Variants in IGF2BP3 observed in about 807,000 individuals in gnomAD.
The protein encoded by IGF2BP3 is insulin like growth factor 2 mRNA binding protein 3.
Under a neutral mutation model 73.8 loss-of-function variants are expected in IGF2BP3, and 9 were observed. The ratio of observed to expected loss-of-function variants is 0.12; its 90% CI spans 0.07 to 0.21. The LOEUF is 0.21. Among genes scored for constraint, IGF2BP3 ranks in the 10% least tolerant of loss-of-function variants. The pLI, the probability that IGF2BP3 is intolerant of heterozygous loss-of-function variation, is 1.00. For missense variants in IGF2BP3, 542 were observed against 714.0 expected, an observed-to-expected ratio of 0.76 and a Z score of 2.75; for synonymous variants, 258 against 256.7, an observed-to-expected ratio of 1.01 and a Z score of -0.05.
At chr7:23,411,175 T>G (rs1342447881) in intron 3 of IGF2BP3, among the ~76,000 whole-genome samples, 1 of 152,230 alleles carries the variant, frequency 6.6e-6, no homozygotes, top group African/African-American at 2.4e-5. Flanking sequence ...TGACTCCCAT[T>G]ACTACTTCTC....
At chr7:23,315,691 A>G (rs929545398) in intron 12 of IGF2BP3, among the ~76,000 whole-genome samples, 1 of 152,200 alleles carries the variant, frequency 6.6e-6, no homozygotes, top group South Asian at 2.1e-4. Context: ...AATGACGTAG[A>G]TATTACTATT....
intron 10 of IGF2BP3, among the ~76,000 whole-genome samples, chr7:23,330,258 C>G (rs1418218590): frequency 6.6e-6 from 1 of 151,564 alleles, no homozygotes; most frequent in Non-Finnish European, 1.5e-5. Context: ...TGCACTCCAG[C>G]CCGGGTGACA....
intron 2 of IGF2BP3, among the ~76,000 whole-genome samples, chr7:23,435,429 C>T (rs1456358297): frequency 6.6e-6 from 1 of 150,848 alleles, no homozygotes; most frequent in Non-Finnish European, 1.5e-5. Flanking sequence ...CTGGGAAACT[C>T]TCCAGCACAA....
chr7:23,443,183 T>C (rs1787977760), intron 2 of IGF2BP3, among the ~76,000 whole-genome samples: 1 of 138,388 alleles, frequency 7.2e-6, no homozygotes, highest in South Asian at 2.4e-4. Flanking sequence ...CCCAGTGCAG[T>C]GGTGCGATCT....
chr7:23,440,752 G>A lies in IGF2BP3; in HGVS notation c.237-21928C>T, dbSNP rs148972383. The stretch of plus-strand genomic sequence containing the variant: ...CATATCAGGTCATTTTTATTTTTAC[G>A]CAGGCTCTACTAGGGCTATAGAAGG... On this transcript the variant is annotated intron_variant, in intron 2 of 14. Transcript: ENST00000258729. Among the ~76,000 whole-genome samples the A allele has an allele frequency of 7.7e-3, 1,174 of 152,178 alleles. 13 individuals are homozygous for A. The highest frequency in any genetic ancestry group is 0.027 in the African/African-American group (1,116 of 41,546).
At chr7:23,435,745 T>A (rs13247744) in intron 2 of IGF2BP3, among the ~76,000 whole-genome samples, 13 of 147,282 alleles carry the variant, frequency 8.8e-5, no homozygotes, top group African/African-American at 3.2e-4. Context: ...CGTGAGCCAC[T>A]GTGCCTGGCC....
intron 3 of IGF2BP3, chr7:23,402,570 C>T (rs1003200964): frequency 1.3e-5 from 2 of 152,112 alleles, no homozygotes; most frequent in Admixed American, 1.3e-4. Context: ...TAGGAACATA[C>T]CGTCATTTTG....
intron 10 of IGF2BP3, among the ~76,000 whole-genome samples, chr7:23,322,380 A>G (rs1391284052): frequency 6.6e-6 from 1 of 152,184 alleles, no homozygotes; most frequent in East Asian, 1.9e-4. Context: ...AAAAAAGAAT[A>G]AAAAGAAACG....
At chr7:23,439,014 A>G (rs1787867943) in intron 2 of IGF2BP3, among the ~76,000 whole-genome samples, 1 of 151,594 alleles carries the variant, frequency 6.6e-6, no homozygotes, top group East Asian at 2.0e-4. Context: ...GGGAGGCTGA[A>G]GTAGAATCAC....
chr7:23,464,648 C>T (rs1056571158), intron 2 of IGF2BP3, among the ~76,000 whole-genome samples: 2 of 151,114 alleles, frequency 1.3e-5, no homozygotes, highest in Admixed American at 1.3e-4. Flanking sequence ...CGTGCCACTG[C>T]ACTCCAGCCT....
chr7:23,425,819 C>T (rs377267813), intron 2 of IGF2BP3, among the ~76,000 whole-genome samples: 3 of 152,000 alleles, frequency 2.0e-5, no homozygotes, highest in Admixed American at 6.6e-5. Flanking sequence ...ACTTTTTTAG[C>T]CTGGCATAGT....
At chr7:23,376,646 C>T (rs563796331) in intron 3 of IGF2BP3, among the ~76,000 whole-genome samples, 3 of 152,070 alleles carry the variant, frequency 2.0e-5, no homozygotes, top group East Asian at 1.9e-4. Flanking sequence ...GCAGGCGGAT[C>T]GCTTGAGTCC....
intron 7 of IGF2BP3, among the ~76,000 whole-genome samples, chr7:23,347,033 C>A (rs1023107919): frequency 7.2e-5 from 11 of 152,322 alleles, no homozygotes; most frequent in Admixed American, 1.3e-4. Context: ...GGTCCCCACA[C>A]TAACTCCAGT....
intron 14 of IGF2BP3, 66 bp from the exon 15 acceptor site, chr7:23,312,526 C>G: frequency 1.8e-6 from 2 of 1,133,848 alleles, no homozygotes; most frequent in Non-Finnish European, 2.7e-6. Context: ...TGTACTCCTT[C>G]ATTTCAACAA....
intron 2 of IGF2BP3, among the ~76,000 whole-genome samples, chr7:23,436,535 C>A (rs766205127): frequency 6.6e-6 from 1 of 152,084 alleles, no homozygotes; most frequent in Admixed American, 6.6e-5. Context: ...AAGTCACCAT[C>A]GACACAAATG....
At chr7:23,423,684 C>T (rs1191404773) in intron 2 of IGF2BP3, among the ~76,000 whole-genome samples, 2 of 151,962 alleles carry the variant, frequency 1.3e-5, no homozygotes, top group African/African-American at 4.8e-5. Context: ...ACTCACAGAA[C>T]CACTATCCAG....
rs79457598 is a variant in IGF2BP3 at position 23,411,812 on chromosome 7, C to T, written c.285+6964G>A. Among the ~76,000 whole-genome samples the T allele has an allele frequency of 5.3e-4, 81 of 152,192 alleles. No individual in the cohort carries two copies. In the East Asian group the frequency reaches 0.014, roughly 27 times the overall value. On this transcript the variant is annotated intron_variant, in intron 3 of 14. Coordinates refer to ENST00000258729, the MANE Select transcript of IGF2BP3 (RefSeq NM_006547.3). ...GGAAGTCATCTACCTCCCCACAAAC[C>T]TCAAGACAGCTTTCCACTTCTCAGC...
At chr7:23,436,524 G>A (rs1787811532) in intron 2 of IGF2BP3, among the ~76,000 whole-genome samples, 1 of 152,094 alleles carries the variant, frequency 6.6e-6, no homozygotes, top group South Asian at 2.1e-4. Context: ...CTTAAATCTA[G>A]AAGTCACCAT....
chr7:23,400,035 T>C (rs913918443), intron 3 of IGF2BP3, among the ~76,000 whole-genome samples: 1 of 152,196 alleles, frequency 6.6e-6, no homozygotes, highest in African/African-American at 2.4e-5. Flanking sequence ...GGATAAGGCA[T>C]ACATGGTATA....
Sources: gnomAD v4.1 joint callset for allele counts (sites outside exome capture counted in the v4.1 genomes callset) on GRCh38, gnomAD v4.1.1 for gene constraint, MANE v1.5 for transcripts, NCBI Gene and HGNC (gene_info 2026-07-23, HGNC 2026-07-21) for gene names.